The following FH variants were observed in gnomAD, a reference collection of about 807,000 sequenced individuals.
FH encodes the protein fumarate hydratase.
Under a neutral mutation model 49.4 loss-of-function variants are expected in FH, and 22 were observed. That is an observed-to-expected ratio of 0.45 (90% CI 0.32 to 0.64). The LOEUF (loss-of-function observed/expected upper bound fraction) is 0.64, where lower values mean the gene tolerates loss of function less well. Ranked by LOEUF, FH falls within the 30% of genes least tolerant of loss-of-function variation. The pLI is 0.05. For missense variants in FH, 526 were observed against 641.5 expected (o/e 0.82, Z 1.95); for synonymous variants, 208 against 223.0 (o/e 0.93, Z 0.60).
rs1573883183 is a variant in FH at position 241,508,672 on chromosome 1, T to C, written c.669A>G (p.Lys223=). Residue 223 remains lysine, a synonymous_variant, in exon 5 of 10, where the codon AAA becomes AAG. Transcript: ENST00000366560. The part of the protein sequence containing the change: ...KLHDALDAKS[K]EFAQIIKIGR... The stretch of plus-strand genomic sequence containing the variant: ...CAATCTTGATGATCTGTGCAAACTC[T>C]TTGGATTTTGCATCAAGAGCATCAT... 11 of 1,613,606 alleles carry C rather than the reference T, an allele frequency of 6.8e-6. No individual in the cohort carries two copies. Among genetic ancestry groups the C allele is most frequent in the Admixed American group, 1.7e-5 (1 of 60,012 alleles).
At chr1:241,515,185 C>G (rs1660183699) in intron 2 of FH, among the ~76,000 whole-genome samples, 2 of 152,140 alleles carry the variant, frequency 1.3e-5, no homozygotes, top group Admixed American at 1.3e-4. Flanking sequence ...GTTTAGAGTA[C>G]ATACAGACTG....
At chr1:241,502,688 T>A in intron 7 of FH, 118 bp from the exon 8 acceptor site, 1 of 1,229,924 alleles carries the variant, frequency 8.1e-7, no homozygotes, top group Non-Finnish European at 1.2e-6. Context: ...GGCCCAACCA[T>A]CAGTGTAATT....
At chr1:241,501,953 C>T (rs2147914506) in intron 8 of FH, among the ~76,000 whole-genome samples, 1 of 152,286 alleles carries the variant, frequency 6.6e-6, no homozygotes, top group South Asian at 2.1e-4. Context: ...AAAAAATGTT[C>T]AAGAAAGCAG....
chr1:241,518,820 T>C (rs1406549280), intron 1 of FH, among the ~76,000 whole-genome samples: 1 of 152,206 alleles, frequency 6.6e-6, no homozygotes, highest in East Asian at 1.9e-4. Flanking sequence ...AAGAGCAAAA[T>C]GACTTACGTA....
At chr1:241,509,778 A>AACACACAC (rs71174810) in intron 4 of FH, among the ~76,000 whole-genome samples, 79 of 139,374 alleles carry the variant, frequency 5.7e-4, no homozygotes, top group Non-Finnish European at 8.0e-4. Flanking sequence ...ACAATCTCTA[A>AACACACAC]ACACACACAC....
intron 3 of FH, among the ~76,000 whole-genome samples, chr1:241,512,910 G>GCTGT (rs141143034): frequency 1.3e-5 from 2 of 148,350 alleles, no homozygotes; most frequent in African/African-American, 5.0e-5. Flanking sequence ...ATGCAATGAG[G>GCTGT]GTGTGTGTGT....
At chr1:241,514,720 A>G (rs1249115889) in intron 2 of FH, among the ~76,000 whole-genome samples, 1 of 152,228 alleles carries the variant, frequency 6.6e-6, no homozygotes, top group Admixed American at 6.5e-5. Context: ...GGTCAAATAG[A>G]AAAGGAAAAC....
rs144131869 is a variant in FH, at chr1:241,500,602, TGA to T, written c.1237-14_1237-13del. On this transcript the variant is annotated splice_polypyrimidine_tract_variant and intron_variant, in intron 8 of 9. Coordinates refer to ENST00000366560, the MANE Select transcript of FH (RefSeq NM_000143.4). Reference sequence around the variant, plus strand: ...AACACATTTTTAATCTTTGAGTGAGTGAGAGAGAGAGAGAGAGAGAGAGAGAG... The same window carrying T: ...AACACATTTTTAATCTTTGAGTGAGTGAGAGAGAGAGAGAGAGAGAGAGAG... The T allele has an allele frequency of 0.039, 57,794 of 1,479,644 alleles. 99 individuals carry two copies. The highest frequency in any genetic ancestry group is 0.1 in the East Asian group (4,197 of 41,710). 91.7% of individuals were successfully genotyped at this position (1,479,644 alleles called of 1,614,324 possible). A position where few individuals can be genotyped will look rare whatever the true frequency, so the allele number is the denominator to read the frequency against.
chr1:241,498,694 C>CATATATATATATATATATATAT (rs56361117), intron 9 of FH, among the ~76,000 whole-genome samples: 10 of 53,174 alleles, frequency 1.9e-4, no homozygotes, highest in Non-Finnish European at 2.5e-4. Context: ...GCTGTCTTAA[C>CATATATATATATATATATATAT]ATATATATAT....
chr1:241,519,708 A>C lies in FH; in HGVS notation c.15T>G (p.Leu5=), dbSNP rs2147927079. Reference sequence around the variant, plus strand: ...GGGGACGCGAGCGCGCGAGGAGCCGAAGTGCTCGGTACATGGTGCTGAGGG... The same window carrying C: ...GGGGACGCGAGCGCGCGAGGAGCCGCAGTGCTCGGTACATGGTGCTGAGGG... MYRA[L]RLLARSRPLV... The change falls in exon 1 of 10, where the codon CTT becomes CTG. Residue 5 remains leucine, a synonymous_variant. Coordinates refer to ENST00000366560, the MANE Select transcript of FH (RefSeq NM_000143.4). The C allele has an allele frequency of 6.5e-7, 1 of 1,546,908 alleles. No homozygotes were observed. Among genetic ancestry groups the C allele is most frequent in the Non-Finnish European group, 8.7e-7 (1 of 1,145,750 alleles).
chr1:241,500,021 A>C (rs1278214051), intron 9 of FH, among the ~76,000 whole-genome samples: 1 of 152,218 alleles, frequency 6.6e-6, no homozygotes, highest in Non-Finnish European at 1.5e-5. Context: ...TAAAACAACA[A>C]AATTAAAGCA....
In FH at chr1:241,500,602, TGAGAGAGAGAGAGAGA is replaced by T. The variant is rs144131869; in HGVS notation, c.1237-28_1237-13del. 1.2e-5 allele frequency: 18 copies of T among 1,490,628 alleles called. No homozygotes were observed. The highest frequency in any genetic ancestry group is 1.1e-4 in the Admixed American group (6 of 54,604). The allele number at this position is 1,490,628 out of a possible 1,614,324, so 92.3% of individuals were successfully genotyped here. A position where few individuals can be genotyped will look rare whatever the true frequency, so the allele number is the denominator to read the frequency against. Reference sequence around the variant, plus strand: ...AACACATTTTTAATCTTTGAGTGAGTGAGAGAGAGAGAGAGAGAGAGAGAGAGAGAGAGAGAGACAT... The same window carrying T: ...AACACATTTTTAATCTTTGAGTGAGTGAGAGAGAGAGAGAGAGAGAGACAT... On this transcript the variant is annotated splice_polypyrimidine_tract_variant and intron_variant, in intron 8 of 9. Transcript: ENST00000366560.
At chr1:241,506,618 T>C (rs1362195711) in intron 5 of FH, among the ~76,000 whole-genome samples, 1 of 152,204 alleles carries the variant, frequency 6.6e-6, no homozygotes, top group East Asian at 1.9e-4. Context: ...ATATTCTCCA[T>C]ACAATTTCAG....
At chr1:241,503,592 A>G in intron 7 of FH, among the ~76,000 whole-genome samples, 1 of 152,226 alleles carries the variant, frequency 6.6e-6, no homozygotes, top group African/African-American at 2.4e-5. Flanking sequence ...CTGTTCACCC[A>G]GCTACATTCA....
At chr1:241,501,560 T>A (rs914384928) in intron 8 of FH, among the ~76,000 whole-genome samples, 2 of 152,216 alleles carry the variant, frequency 1.3e-5, no homozygotes, top group African/African-American at 2.4e-5. Flanking sequence ...CATTGCTCTA[T>A]CTCTATTATG....
intron 8 of FH, 68 bp downstream of exon 8, chr1:241,502,375 T>G (rs1307875594): frequency 5.7e-6 from 9 of 1,591,042 alleles, no homozygotes; most frequent in African/African-American, 1.3e-5. Context: ...TAGAAGTCTT[T>G]ATGAAATACA....
rs1660315752 is a variant in FH at position 241,519,556 on chromosome 1, T to C, written c.132+35A>G. Reference sequence around the variant, plus strand: ...GGCAGGCAGGAGGGCTGAAGGTCACTGCGGGGAGGCCGGGGGATGGCGGCC... The same window carrying C: ...GGCAGGCAGGAGGGCTGAAGGTCACCGCGGGGAGGCCGGGGGATGGCGGCC... On this transcript the variant is annotated intron_variant, in intron 1 of 9. Coordinates refer to ENST00000366560, the MANE Select transcript of FH (RefSeq NM_000143.4). 9 of 1,542,444 alleles carry C rather than the reference T, an allele frequency of 5.8e-6. No individual in the cohort carries two copies. Among genetic ancestry groups the C allele is most frequent in the South Asian group, 2.4e-5 (2 of 83,298 alleles).
At chr1:241,500,346 G>A in intron 9 of FH, 91 bp downstream of exon 9, 1 of 1,276,620 alleles carries the variant, frequency 7.8e-7, no homozygotes, top group Non-Finnish European at 1.1e-6. Flanking sequence ...GAAATTTGCT[G>A]TTCTCAAACA....
chr1:241,517,256 C>T lies in FH; in HGVS notation c.193G>A (p.Asp65Asn), dbSNP rs769956664. 28 of 1,613,980 alleles carry T rather than the reference C, an allele frequency of 1.7e-5. No homozygotes were observed. In the East Asian group the frequency reaches 6.0e-4, roughly 35 times the overall value. Residue 65 changes from aspartate (D) to asparagine (N), a missense_variant, in exon 2 of 10, where the codon GAT (aspartate) becomes AAT (asparagine). Physicochemically the swap from Asp to Asn is conservative, Grantham distance 23 (BLOSUM62 1). This residue lies in a region of FH where 143 missense variants were observed against 127.5 expected (regional missense o/e 1.12). Transcript: ENST00000366560. ...ACGGTCTGGGCGCCATAATACTTAT[C>T]ATTTGGCACCTTTAGTTCACCAAAG... ...DTFGELKVPN[D>N]KYYGAQTVRS...
Sources: gnomAD v4.1 joint callset for allele counts (sites outside exome capture counted in the v4.1 genomes callset) on GRCh38, gnomAD v4.1.1 for gene constraint, gnomAD v4.1.1 regional missense constraint, MANE v1.5 for transcripts, NCBI Gene and HGNC (gene_info 2026-07-23, HGNC 2026-07-21) for gene names.